The following DENND1A variants were observed in gnomAD, a reference collection of about 807,000 sequenced individuals.
DENND1A encodes DENN domain-containing protein 1A.
In DENND1A, 51 loss-of-function variants were observed where a neutral mutation model predicts 113.7. The ratio of observed to expected loss-of-function variants is 0.45; its 90% CI spans 0.36 to 0.57. The LOEUF is 0.57. Ranked by LOEUF, DENND1A falls within the 20% of genes least tolerant of loss-of-function variation. DENND1A has a pLI of 0.00. For synonymous variants in DENND1A, 565 were observed against 570.8 expected, an observed-to-expected ratio of 0.99 and a Z score of 0.14; for missense variants, 1,258 against 1,395.9, an observed-to-expected ratio of 0.90 and a Z score of 1.57.
At chr9:123,885,824 GGCTGGAGT>G (rs1443918944) in intron 1 of DENND1A, among the ~76,000 whole-genome samples, 1 of 152,068 alleles carries the variant, frequency 6.6e-6, no homozygotes, top group Non-Finnish European at 1.5e-5. Flanking sequence ...CTGTTGCCCA[GGCTGGAGT>G]GCAGTGGCAT....
Position 123,381,773 on chromosome 9 carries a change from C to G in DENND1A, c.2872G>C (p.Gly958Arg). The part of the protein sequence containing the change: ...LSALSMPNLF[G>R]QMPMGTHTSP... Reference sequence around the variant, plus strand: ...GTGTGGGTGCCCATGGGCATCTGGCCAAAGAGGTTGGGCATGGAGAGGGCG... The same window carrying G: ...GTGTGGGTGCCCATGGGCATCTGGCGAAAGAGGTTGGGCATGGAGAGGGCG... The change falls in exon 24 of 24, where the codon GGC becomes CGC. Residue 958 changes from glycine to arginine, a missense_variant. Transcript: ENST00000394215. This position sits in a 1 kb window ranked among gnomAD's most constrained non-coding sequence, Gnocchi z 4.7. 2 of 1,513,648 alleles carry G rather than the reference C, an allele frequency of 1.3e-6. No homozygotes were observed. The highest frequency in any genetic ancestry group is 1.8e-6 in the Non-Finnish European group (2 of 1,131,154). 93.8% of individuals were successfully genotyped at this position (1,513,648 alleles called of 1,614,324 possible). A position where few individuals can be genotyped will look rare whatever the true frequency, so the allele number is the denominator to read the frequency against.
rs564155999 is a variant in DENND1A, at chr9:123,513,062, C to T, written c.993+44508G>A. 2.8e-4 allele frequency among the ~76,000 whole-genome samples: 42 copies of T among 152,334 alleles called. 2 individuals carry two copies. The South Asian group carries it at 3.3e-3, about 12-fold the overall frequency. ...CTGAATATGCTATAGGAATGTGGAT[C>T]GTTCAAGTTGATTACTACCGAAATG... On this transcript the variant is annotated intron_variant, in intron 13 of 23. Coordinates refer to ENST00000394215, the MANE Select transcript of DENND1A (RefSeq NM_001352964.2).
chr9:123,680,674 G>A (rs2064385548), intron 5 of DENND1A, among the ~76,000 whole-genome samples: 2 of 152,240 alleles, frequency 1.3e-5, no homozygotes. Context: ...TCCAACTGGT[G>A]AGTTTGTGTA....
intron 13 of DENND1A, among the ~76,000 whole-genome samples, chr9:123,478,323 G>A (rs1314546264): frequency 6.6e-6 from 1 of 152,236 alleles, no homozygotes; most frequent in Non-Finnish European, 1.5e-5. Flanking sequence ...GCATAGGGCC[G>A]AAGTCTGTGC....
At chr9:123,418,267 C>T (rs756153534) in intron 19 of DENND1A, among the ~76,000 whole-genome samples, 1 of 152,128 alleles carries the variant, frequency 6.6e-6, no homozygotes, top group Non-Finnish European at 1.5e-5. Flanking sequence ...AGGGTAAGAC[C>T]GAAGGCATGA....
chr9:123,421,248 A>G (rs533110498), intron 19 of DENND1A, among the ~76,000 whole-genome samples: 135 of 151,628 alleles, frequency 8.9e-4, no homozygotes, highest in African/African-American at 2.9e-3. Context: ...CGAGGTCTCT[A>G]TTCATCTCAG....
At chr9:123,711,522 T>TATATATAC (rs1554970737) in intron 5 of DENND1A, among the ~76,000 whole-genome samples, 38 of 142,884 alleles carry the variant, frequency 2.7e-4, no homozygotes, top group African/African-American at 9.9e-4. Context: ...TGTATATATA[T>TATATATAC]ATATATATAT....
intron 2 of DENND1A, among the ~76,000 whole-genome samples, chr9:123,865,591 G>A (rs368012681): frequency 2.0e-5 from 3 of 152,304 alleles, no homozygotes; most frequent in South Asian, 2.1e-4. Context: ...CAGTTTGAAG[G>A]ATCAAAACAA....
At chr9:123,789,604 C>T (rs546926704) in intron 3 of DENND1A, among the ~76,000 whole-genome samples, 8 of 152,196 alleles carry the variant, frequency 5.3e-5, no homozygotes, top group East Asian at 3.9e-4. Context: ...TATCATCCCA[C>T]GCAGACAACT....
chr9:123,910,678 G>T (rs1047155014), intron 1 of DENND1A, among the ~76,000 whole-genome samples: 1 of 152,190 alleles, frequency 6.6e-6, no homozygotes, highest in Non-Finnish European at 1.5e-5. Context: ...AGTGGCTCAC[G>T]CCTGTAATCC....
intron 1 of DENND1A, among the ~76,000 whole-genome samples, chr9:123,904,938 T>C (rs1371609683): frequency 1.3e-5 from 2 of 151,776 alleles, no homozygotes; most frequent in Non-Finnish European, 2.9e-5. Flanking sequence ...ATGGAAAAAA[T>C]GTTAAGGGCA....
chr9:123,920,053 T>C lies in DENND1A; in HGVS notation c.17+9836A>G, dbSNP rs181134399. On this transcript the variant is annotated intron_variant, in intron 1 of 23. Transcript: ENST00000394215. The stretch of plus-strand genomic sequence containing the variant: ...TTGATGGGAATTTGGGGGCTCATTA[T>C]ACTATTCTACTTTTATAGATGTTTA... 2.6e-5 allele frequency among the ~76,000 whole-genome samples: 4 copies of C among 152,334 alleles called. No individual in the cohort carries two copies. The East Asian group carries it at 7.7e-4, about 29-fold the overall frequency.
At chr9:123,651,699 T>A (rs2062667458) in intron 9 of DENND1A, among the ~76,000 whole-genome samples, 1 of 152,180 alleles carries the variant, frequency 6.6e-6, no homozygotes. Context: ...TAGTAAATAA[T>A]GACACACCCG....
chr9:123,408,583 G>C (rs1044944044), intron 20 of DENND1A, among the ~76,000 whole-genome samples: 1 of 152,186 alleles, frequency 6.6e-6, no homozygotes, highest in African/African-American at 2.4e-5. Flanking sequence ...ACCAGGGCAG[G>C]CCTCTCTGAC....
At chr9:123,693,439 T>A (rs2065300173) in intron 5 of DENND1A, among the ~76,000 whole-genome samples, 1 of 152,204 alleles carries the variant, frequency 6.6e-6, no homozygotes, top group African/African-American at 2.4e-5. Flanking sequence ...CCTGCTTGTG[T>A]TGCTCCTTTG....
intron 13 of DENND1A, among the ~76,000 whole-genome samples, chr9:123,494,776 A>G (rs192341021): frequency 1.3e-5 from 2 of 151,618 alleles, no homozygotes; most frequent in East Asian, 3.9e-4. Flanking sequence ...TCCACTGAGA[A>G]GCCTTCAGGC....
intron 2 of DENND1A, among the ~76,000 whole-genome samples, chr9:123,870,059 G>T (rs1846319801): frequency 6.6e-6 from 1 of 150,634 alleles, no homozygotes; most frequent in Non-Finnish European, 1.5e-5. Context: ...CCATAAGATG[G>T]ATTCACTTTC....
intron 13 of DENND1A, among the ~76,000 whole-genome samples, chr9:123,475,043 A>G (rs1165526473): frequency 1.3e-5 from 2 of 152,048 alleles, no homozygotes; most frequent in African/African-American, 4.8e-5. Context: ...TTTTTGAGAC[A>G]GAGTCTTGCT....
chr9:123,490,796 C>T (rs1177784365), intron 13 of DENND1A, among the ~76,000 whole-genome samples: 6 of 151,858 alleles, frequency 4.0e-5, no homozygotes, highest in Non-Finnish European at 7.4e-5. Flanking sequence ...TTTTTTTCAT[C>T]CTAGGCCACA....
Sources: allele counts gnomAD v4.1 joint callset (sites outside exome capture counted in the v4.1 genomes callset), GRCh38; gene constraint gnomAD v4.1.1; non-coding constraint Gnocchi (gnomAD v3.1); transcripts MANE v1.5; gene names NCBI Gene and HGNC (gene_info 2026-07-23, HGNC 2026-07-21).